The following CADM2 variants were observed in gnomAD, a reference collection of about 807,000 sequenced individuals.
CADM2 encodes the protein cell adhesion molecule 2, also known as immunoglobulin superfamily member 4D.
A neutral mutation model predicts 49.8 loss-of-function variants in CADM2; 12 were observed. The ratio of observed to expected loss-of-function variants is 0.24; its 90% CI spans 0.15 to 0.39. The LOEUF (loss-of-function observed/expected upper bound fraction) is 0.39, where lower values mean the gene tolerates loss of function less well. Among genes scored for constraint, CADM2 ranks in the 10% least tolerant of loss-of-function variants. CADM2 has a pLI of 1.00. For synonymous variants in CADM2, 214 were observed against 175.4 expected (o/e 1.22, Z -1.74); for missense variants, 378 against 492.3 (o/e 0.77, Z 2.20).
chr3:85,074,312 C>A (rs1454044318), intron 1 of CADM2, among the ~76,000 whole-genome samples: 1 of 152,106 alleles, frequency 6.6e-6, no homozygotes, highest in Non-Finnish European at 1.5e-5. Flanking sequence ...TTGCTAAAAT[C>A]TCAACTTCTC....
At chr3:85,643,416 T>G (rs2064786751) in intron 1 of CADM2, among the ~76,000 whole-genome samples, 1 of 152,204 alleles carries the variant, frequency 6.6e-6, no homozygotes, top group Admixed American at 6.5e-5. Flanking sequence ...TGTTTTACAC[T>G]GAAGTCTTCA....
chr3:85,463,535 G>C (rs1351676505), intron 1 of CADM2, among the ~76,000 whole-genome samples: 2 of 151,930 alleles, frequency 1.3e-5, no homozygotes, highest in African/African-American at 2.4e-5. Flanking sequence ...TATTATCTTA[G>C]TGTCCTATAT....
chr3:85,986,495 G>T (rs943790800), intron 8 of CADM2, among the ~76,000 whole-genome samples: 2 of 151,982 alleles, frequency 1.3e-5, no homozygotes, highest in African/African-American at 2.4e-5. Context: ...AACACAATTT[G>T]CACAATGTTG....
At chr3:85,446,501 T>C (rs1477035498) in intron 1 of CADM2, among the ~76,000 whole-genome samples, 1 of 152,186 alleles carries the variant, frequency 6.6e-6, no homozygotes, top group Non-Finnish European at 1.5e-5. Context: ...TGCTCTGCTT[T>C]TCAGCTTTTC....
intron 1 of CADM2, among the ~76,000 whole-genome samples, chr3:85,366,939 C>T (rs1227492840): frequency 6.6e-6 from 1 of 151,884 alleles, no homozygotes; most frequent in Non-Finnish European, 1.5e-5. Flanking sequence ...ATTGAATCAA[C>T]TAAATTAAAA....
intron 1 of CADM2, among the ~76,000 whole-genome samples, chr3:85,679,582 A>G (rs1241820494): frequency 6.6e-6 from 1 of 152,128 alleles, no homozygotes; most frequent in African/African-American, 2.4e-5. Flanking sequence ...TAAGAATCCA[A>G]TTTCTAGATT....
intron 1 of CADM2, among the ~76,000 whole-genome samples, chr3:85,065,409 T>A (rs918311979): frequency 2.0e-5 from 3 of 152,114 alleles, no homozygotes; most frequent in Non-Finnish European, 2.9e-5. Context: ...TTAATTAATG[T>A]GTTGTCTCTT....
intron 7 of CADM2, among the ~76,000 whole-genome samples, chr3:85,940,234 G>A (rs1424605448): frequency 6.6e-6 from 1 of 151,222 alleles, no homozygotes; most frequent in African/African-American, 2.4e-5. Flanking sequence ...AGCTACTGGG[G>A]AGGTTGAGCA....
chr3:85,814,645 A>T (rs1444703356), intron 3 of CADM2, among the ~76,000 whole-genome samples: 1 of 152,074 alleles, frequency 6.6e-6, no homozygotes, highest in Non-Finnish European at 1.5e-5. Flanking sequence ...AGAAGAAAAG[A>T]GAGAAGAATC....
intron 1 of CADM2, among the ~76,000 whole-genome samples, chr3:85,701,168 A>T (rs1326799133): frequency 2.0e-5 from 3 of 152,152 alleles, no homozygotes; most frequent in Non-Finnish European, 4.4e-5. Flanking sequence ...AAGAGATAAG[A>T]GGGGAGGTAC....
At chr3:85,024,125 A>T (rs2034622326) in intron 1 of CADM2, among the ~76,000 whole-genome samples, 1 of 152,136 alleles carries the variant, frequency 6.6e-6, no homozygotes, top group Admixed American at 6.5e-5. Flanking sequence ...CTCTATTGAC[A>T]CAAGGAGTGA....
chr3:85,395,094 G>T (rs2034706044), intron 1 of CADM2, among the ~76,000 whole-genome samples: 1 of 151,404 alleles, frequency 6.6e-6, no homozygotes, highest in Admixed American at 6.6e-5. Flanking sequence ...ATGCACGCCT[G>T]GGATACATAG....
At chr3:85,549,314 C>G (rs2061740736) in intron 1 of CADM2, among the ~76,000 whole-genome samples, 3 of 152,056 alleles carry the variant, frequency 2.0e-5, no homozygotes, top group Admixed American at 2.0e-4. Context: ...AAACAACAGG[C>G]AAATGCAACA....
In CADM2 at chr3:85,607,857, A is replaced by G. The variant is rs1049558199; in HGVS notation, c.62-118665A>G. ...TTTTTAGTAGAGACGGGGTTTCACC[A>G]TGTTGGCCAGGCTGGTCTCAAACTC... On this transcript the variant is annotated intron_variant, in intron 1 of 9. Coordinates refer to ENST00000383699, the MANE Select transcript of CADM2 (RefSeq NM_001167675.2). 7.9e-5 allele frequency among the ~76,000 whole-genome samples: 12 copies of G among 152,020 alleles called. 2 individuals carry two copies. The South Asian group carries it at 2.5e-3, about 32-fold the overall frequency.
chr3:85,144,224 CTAAAG>C (rs1317509525), intron 1 of CADM2, among the ~76,000 whole-genome samples: 3 of 144,170 alleles, frequency 2.1e-5, no homozygotes, highest in African/African-American at 5.2e-5. Context: ...TTATCACCAT[CTAAAG>C]TATTTTGTTA....
chr3:85,650,737 A>C (rs1446073891), intron 1 of CADM2, among the ~76,000 whole-genome samples: 1 of 151,866 alleles, frequency 6.6e-6, no homozygotes, highest in Admixed American at 6.6e-5. Flanking sequence ...TTTGAGAACC[A>C]GTACTCTAGT....
intron 5 of CADM2, among the ~76,000 whole-genome samples, chr3:85,909,722 G>A (rs1717306345): frequency 6.6e-6 from 1 of 152,154 alleles, no homozygotes; most frequent in South Asian, 2.1e-4. Flanking sequence ...GCAAAGGAAA[G>A]GAAAGTGGAC....
chr3:85,378,794 G>C (rs958763524), intron 1 of CADM2, among the ~76,000 whole-genome samples: 2 of 151,804 alleles, frequency 1.3e-5, no homozygotes, highest in African/African-American at 4.8e-5. Context: ...TTGGCTGACA[G>C]ATCCACCAAA....
chr3:84,977,678 G>A lies in CADM2; in HGVS notation c.61+18010G>A, dbSNP rs549213964. ...TTTACAAATTTTCAGATTTTCAAAA[G>A]TATTTTATTATTGGCTACATATGTT... On this transcript the variant is annotated intron_variant, in intron 1 of 9. Coordinates refer to ENST00000383699, the MANE Select transcript of CADM2 (RefSeq NM_001167675.2). Among the ~76,000 whole-genome samples the A allele has an allele frequency of 3.9e-5, 6 of 152,040 alleles. No individual in the cohort carries two copies. The South Asian group carries it at 1.2e-3, about 32-fold the overall frequency.
Sources: allele counts gnomAD v4.1 joint callset (sites outside exome capture counted in the v4.1 genomes callset), GRCh38; gene constraint gnomAD v4.1.1; transcripts MANE v1.5; gene names NCBI Gene and HGNC (gene_info 2026-07-23, HGNC 2026-07-21).